Variants in USP26 observed in about 807,000 individuals in gnomAD.
USP26 encodes the protein ubiquitin specific peptidase 26, also known as ubiquitin carboxyl-terminal hydrolase 26.
For synonymous variants in USP26, 236 were observed against 240.6 expected, an observed-to-expected ratio of 0.98 and a Z score of 0.18; for missense variants, 649 against 642.3, an observed-to-expected ratio of 1.01 and a Z score of -0.11.
intron 5 of USP26, among the ~76,000 whole-genome samples, chrX:133,058,662 G>T (rs941367204): frequency 9.0e-6 from 1 of 111,238 alleles, no homozygotes; most frequent in Non-Finnish European, 1.9e-5. Flanking sequence ...ATCTTTAGAC[G>T]ACATATATTT....
intron 5 of USP26, among the ~76,000 whole-genome samples, chrX:133,045,383 T>A (rs2067435391): frequency 8.9e-6 from 1 of 111,859 alleles, no homozygotes; most frequent in Non-Finnish European, 1.9e-5. Flanking sequence ...ATCAGCAGGA[T>A]GTGGGTGGGG....
chrX:133,030,482 G>A (rs965224810), intron 5 of USP26, among the ~76,000 whole-genome samples: 1 of 112,399 alleles, frequency 8.9e-6, no homozygotes, highest in Non-Finnish European at 1.9e-5. Context: ...TCTGCTCAAT[G>A]TTGGGTATTG....
intron 5 of USP26, among the ~76,000 whole-genome samples, chrX:133,033,970 T>C (rs893653875): frequency 9.8e-5 from 11 of 112,250 alleles, no homozygotes; most frequent in Admixed American, 5.7e-4. Context: ...TAGCATTTCC[T>C]CTCTGCCTGG....
At chrX:133,042,462 C>T (rs778767516) in intron 5 of USP26, among the ~76,000 whole-genome samples, 2 of 111,506 alleles carry the variant, frequency 1.8e-5, no homozygotes, top group East Asian at 2.8e-4. Context: ...TTCCCTAGCT[C>T]CTTGTATTTC....
chrX:133,055,669 A>G (rs1484697458), intron 5 of USP26, among the ~76,000 whole-genome samples: 1 of 112,031 alleles, frequency 8.9e-6, no homozygotes, highest in African/African-American at 3.2e-5. Flanking sequence ...TGCCTAAACA[A>G]CAGAAACGTA....
Position 133,027,899 on chromosome X carries a change from G to C in USP26, c.322C>G (p.Pro108Ala). The stretch of plus-strand genomic sequence containing the variant: ...CCACCCTTACCAGGTCTCACAGGTG[G>C]CTGAACCTCGTTTTGATGAACTCTG... ...LDRVHQNEVQ[P>A]PVRPGKGGSV... The change falls in exon 6 of 6, where the codon CCA (proline) becomes GCA (alanine). Residue 108 changes from proline to alanine, a missense_variant. Coordinates refer to ENST00000511190, the MANE Select transcript of USP26 (RefSeq NM_031907.3). The C allele has an allele frequency of 8.3e-7, 1 of 1,210,367 alleles. No homozygotes were observed. Among genetic ancestry groups the C allele is most frequent in the Non-Finnish European group, 1.1e-6 (1 of 894,653 alleles).
At chrX:133,087,446 T>TA (rs2067593562) in intron 4 of USP26, among the ~76,000 whole-genome samples, 1 of 112,322 alleles carries the variant, frequency 8.9e-6, no homozygotes, top group Non-Finnish European at 1.9e-5. Flanking sequence ...TATGAGGTGG[T>TA]AAGTGCACAT....
chrX:133,065,056 T>A (rs893770486), intron 5 of USP26, among the ~76,000 whole-genome samples: 1 of 111,733 alleles, frequency 8.9e-6, no homozygotes, highest in Non-Finnish European at 1.9e-5. Context: ...TCATCACTGA[T>A]GCCACAGAAA....
At chrX:133,038,507 G>T (rs1041043136) in intron 5 of USP26, among the ~76,000 whole-genome samples, 28 of 111,823 alleles carry the variant, frequency 2.5e-4, no homozygotes, top group African/African-American at 8.8e-4. Context: ...GCATCCCAGG[G>T]ACGAAGCCGG....
intron 5 of USP26, among the ~76,000 whole-genome samples, chrX:133,052,859 G>A (rs2067463923): frequency 9.0e-6 from 1 of 111,691 alleles, no homozygotes; most frequent in African/African-American, 3.3e-5. Flanking sequence ...TCCTTATAAT[G>A]TAGATGGGGA....
rs1381012606 is a variant in USP26 at position 133,024,183 on chromosome X, CA to C, written c.*1295del. Reference sequence around the variant, plus strand: ...TTCTGATGTTGTGTCAAATAAGTAACAAGTAATACTTTCAAATTCTACAAGT... The same window carrying C: ...TTCTGATGTTGTGTCAAATAAGTAACAGTAATACTTTCAAATTCTACAAGT... On this transcript the variant is annotated 3_prime_UTR_variant, in exon 6 of 6. Coordinates refer to ENST00000511190, the MANE Select transcript of USP26 (RefSeq NM_031907.3). 9.1e-6 allele frequency among the ~76,000 whole-genome samples: 1 copy of C among 109,318 alleles called. No homozygotes were observed. The highest frequency in any genetic ancestry group is 1.9e-5 in the Non-Finnish European group (1 of 52,630). The allele number at this position is 109,318 out of a possible 115,157, so 94.9% of individuals were successfully genotyped here.
intron 5 of USP26, among the ~76,000 whole-genome samples, chrX:133,078,058 T>C (rs1433742507): frequency 9.0e-6 from 1 of 110,846 alleles, no homozygotes; most frequent in Non-Finnish European, 1.9e-5. Context: ...CACTCCATCT[T>C]GGGCAACGGC....
intron 5 of USP26, among the ~76,000 whole-genome samples, chrX:133,052,142 C>T (rs2067461183): frequency 8.9e-6 from 1 of 112,176 alleles, no homozygotes; most frequent in Admixed American, 9.5e-5. Flanking sequence ...GGTGCAATAG[C>T]AGTTAATATC....
chrX:133,086,308 A>T (rs2067588395), intron 4 of USP26, among the ~76,000 whole-genome samples: 1 of 111,609 alleles, frequency 9.0e-6, no homozygotes, highest in Non-Finnish European at 1.9e-5. Flanking sequence ...TTCTTCCTTA[A>T]TTTAAATCCA....
chrX:133,027,294 C>T lies in USP26; in HGVS notation c.927G>A (p.Val309=), dbSNP rs771159887. ...ATGGGATTGAAAGTAGAGACTGTAA[C>T]ACTGCATTCATATAACAGGTGTTTC... is the stretch of plus-strand genomic sequence containing the variant. ...NLGNTCYMNA[V]LQSLLSIPSF... Residue 309 remains valine, a synonymous_variant, in exon 6 of 6, where the codon GTG becomes GTA. Transcript: ENST00000511190. 1.1e-5 allele frequency: 13 copies of T among 1,211,271 alleles called. No homozygotes were observed. The highest frequency in any genetic ancestry group is 6.9e-5 in the African/African-American group (4 of 57,898).
intron 5 of USP26, among the ~76,000 whole-genome samples, chrX:133,035,665 T>C (rs966413620): frequency 8.9e-6 from 1 of 112,227 alleles, no homozygotes; most frequent in African/African-American, 3.2e-5. Context: ...TCAACTTGCA[T>C]TTCTTAGGCT....
intron 5 of USP26, among the ~76,000 whole-genome samples, chrX:133,073,215 A>G (rs2067535925): frequency 9.1e-6 from 1 of 109,681 alleles, no homozygotes; most frequent in African/African-American, 3.3e-5. Flanking sequence ...TTCAATATAT[A>G]AGCAAAATAA....
At chrX:133,064,069 G>A (rs779540811) in intron 5 of USP26, among the ~76,000 whole-genome samples, 3 of 111,850 alleles carry the variant, frequency 2.7e-5, no homozygotes, top group African/African-American at 9.7e-5. Flanking sequence ...AAAAAGCAGG[G>A]GTTGCCATCC....
At chrX:133,094,554 GA>G (rs2067621141) in intron 1 of USP26, among the ~76,000 whole-genome samples, 1 of 111,203 alleles carries the variant, frequency 9.0e-6, no homozygotes, top group East Asian at 2.8e-4. Flanking sequence ...TTCACTGCCA[GA>G]AAGTAAACAT....
Sources: gnomAD v4.1 joint callset for allele counts (sites outside exome capture counted in the v4.1 genomes callset) on GRCh38, gnomAD v4.1.1 for gene constraint, MANE v1.5 for transcripts, NCBI Gene and HGNC (gene_info 2026-07-23, HGNC 2026-07-21) for gene names.